TGS1: variants seen among roughly 807,000 people sequenced by gnomAD.
The protein encoded by TGS1 is trimethylguanosine synthase.
Under a neutral mutation model 92.2 loss-of-function variants are expected in TGS1, and 69 were observed. The ratio of observed to expected loss-of-function variants is 0.75; its 90% CI spans 0.62 to 0.91. The LOEUF (loss-of-function observed/expected upper bound fraction) is 0.91, where lower values mean the gene tolerates loss of function less well. Among genes scored for constraint, TGS1 ranks in the 40% least tolerant of loss-of-function variants. The pLI, the probability that TGS1 is intolerant of heterozygous loss-of-function variation, is 0.00. For synonymous variants in TGS1, 345 were observed against 338.1 expected (o/e 1.02, Z -0.22); for missense variants, 1,062 against 1,001.2 (o/e 1.06, Z -0.82).
intron 2 of TGS1, among the ~76,000 whole-genome samples, chr8:55,783,453 CT>C (rs1227689249): frequency 2.6e-4 from 39 of 152,124 alleles, no homozygotes; most frequent in Admixed American, 2.5e-3. Context: ...TCATAATACA[CT>C]TCATGAGAAG....
chr8:55,806,896 A>G (rs1055732050), intron 10 of TGS1, among the ~76,000 whole-genome samples: 3 of 151,732 alleles, frequency 2.0e-5, no homozygotes, highest in Admixed American at 6.6e-5. Context: ...TTTGGACATC[A>G]TTTAACCTTT....
intron 1 of TGS1, among the ~76,000 whole-genome samples, chr8:55,780,308 C>T (rs1811528689): frequency 6.6e-6 from 1 of 151,950 alleles, no homozygotes; most frequent in African/African-American, 2.4e-5. Context: ...TAGCTAGAAC[C>T]ATAGGTGTGC....
chr8:55,786,741 C>T lies in TGS1; in HGVS notation c.843C>T (p.Asp281=). 6.2e-7 allele frequency: 1 copy of T among 1,614,122 alleles called. No homozygotes were observed. The highest frequency in any genetic ancestry group is 2.2e-5 in the East Asian group (1 of 44,874). The change falls in exon 4 of 13, where the codon GAC becomes GAT. Residue 281 remains aspartate (D), a synonymous_variant. Coordinates refer to ENST00000260129, the MANE Select transcript of TGS1 (RefSeq NM_024831.8). The part of the protein sequence containing the change: ...DTYTSKTEAD[D]KNDEKCMKVD... ...ACACATCTAAAACAGAAGCTGATGA[C>T]AAGAACGATGAAAAATGCATGAAAG...
At chr8:55,798,170 A>C (rs1007210430) in intron 7 of TGS1, among the ~76,000 whole-genome samples, 3 of 152,234 alleles carry the variant, frequency 2.0e-5, no homozygotes, top group Non-Finnish European at 2.9e-5. Context: ...ATTTATTTAT[A>C]GGCACATTTC....
rs1011832742 is a variant in TGS1, at chr8:55,826,393, A to C, written c.*1690A>C. Among the ~76,000 whole-genome samples the C allele has an allele frequency of 1.3e-5, 2 of 152,178 alleles. No homozygotes were observed. The highest frequency in any genetic ancestry group is 4.8e-5 in the African/African-American group (2 of 41,422). ...AAAACTAAGATATTGCTGCCCACTA[A>C]TCACACAGGGATAAAACTAATAGAC... On this transcript the variant is annotated 3_prime_UTR_variant, in exon 13 of 13. Transcript: ENST00000260129.
rs758228346 is a variant in TGS1, at chr8:55,787,027, TCGGGGAA to T, written c.1130_1136del (p.Ser377LeufsTer46). On this transcript the variant is annotated frameshift_variant, in exon 4 of 13. Coordinates refer to ENST00000260129, the MANE Select transcript of TGS1 (RefSeq NM_024831.8). LOFTEE classifies it high-confidence loss of function. ...AGGAACCAATGAGGAAAGCAACTCATCGGGGAATACAAACACAGACCCACCAGCTGAG... is the reference window on the plus strand; with the variant it reads ...AGGAACCAATGAGGAAAGCAACTCATTACAAACACAGACCCACCAGCTGAG... 1.3e-5 allele frequency: 21 copies of T among 1,613,760 alleles called. No individual in the cohort carries two copies. The highest frequency in any genetic ancestry group is 1.8e-5 in the Non-Finnish European group (21 of 1,179,846).
Position 55,793,653 on chromosome 8 carries a change from C to T in TGS1, c.1367+869C>T, listed in dbSNP as rs376506956. ...TGCGATCTCGGCCCACTGCGACATC[C>T]GCCTCCTGGGTTCAAGTGATTCTCC... is the stretch of plus-strand genomic sequence containing the variant. On this transcript the variant is annotated intron_variant, in intron 6 of 12. Coordinates refer to ENST00000260129, the MANE Select transcript of TGS1 (RefSeq NM_024831.8). Among the ~76,000 whole-genome samples the T allele has an allele frequency of 3.1e-3, 472 of 152,166 alleles. 5 individuals carry two copies. The highest frequency in any genetic ancestry group is 0.01 in the African/African-American group (417 of 41,512).
chr8:55,783,145 G>A (rs1221948472), intron 2 of TGS1, among the ~76,000 whole-genome samples: 2 of 152,154 alleles, frequency 1.3e-5, no homozygotes, highest in Non-Finnish European at 2.9e-5. Context: ...CTGGCTGGAC[G>A]TGGTAGCTCA....
chr8:55,824,817 G>A lies in TGS1; in HGVS notation c.*114G>A, dbSNP rs74448343. 1.6e-4 allele frequency: 191 copies of A among 1,216,010 alleles called. No individual in the cohort carries two copies. Among genetic ancestry groups the A allele is most frequent in the African/African-American group, 3.1e-4 (20 of 64,920 alleles). 75.3% of individuals were successfully genotyped at this position (1,216,010 alleles called of 1,614,324 possible). On this transcript the variant is annotated 3_prime_UTR_variant, in exon 13 of 13. Coordinates refer to ENST00000260129, the MANE Select transcript of TGS1 (RefSeq NM_024831.8). ...TTTCTACCCATGGTCTTATATCACC[G>A]TATGAAATGGAAACTTACAGGACTT... is the stretch of plus-strand genomic sequence containing the variant.
intron 9 of TGS1, among the ~76,000 whole-genome samples, chr8:55,804,533 G>T (rs1189721988): frequency 6.6e-6 from 1 of 152,226 alleles, no homozygotes; most frequent in Non-Finnish European, 1.5e-5. Context: ...ACTCAGCGGA[G>T]TGTGGGGGAG....
chr8:55,806,502 A>C (rs1405628067), intron 10 of TGS1, among the ~76,000 whole-genome samples: 1 of 151,996 alleles, frequency 6.6e-6, no homozygotes, highest in African/African-American at 2.4e-5. Context: ...CATATAATAC[A>C]TACAATGTAC....
chr8:55,810,971 G>C lies in TGS1; in HGVS notation c.2234G>C (p.Cys745Ser), dbSNP rs1287257598. Residue 745 changes from cysteine to serine, a missense_variant, in exon 11 of 13, where the codon TGT (cysteine) becomes TCT (serine). Transcript: ENST00000260129. ...ATAGCAGATAAGATAGAGTTCATCT[G>C]TGGAGATTTCTTGCTGCTGGCTTCT... Reference protein sequence around the residue: ...YGIADKIEFICGDFLLLASFL... With the variant: ...YGIADKIEFISGDFLLLASFL... The C allele has an allele frequency of 8.7e-6, 14 of 1,614,084 alleles. No homozygotes were observed. Among genetic ancestry groups the C allele is most frequent in the Non-Finnish European group, 1.2e-5 (14 of 1,180,042 alleles).
In TGS1 at chr8:55,786,463, T is replaced by G. The variant is rs1258487289; in HGVS notation, c.565T>G (p.Ser189Ala). 1.2e-6 allele frequency: 2 copies of G among 1,613,780 alleles called. No individual in the cohort carries two copies. The highest frequency in any genetic ancestry group is 2.7e-5 in the African/African-American group (2 of 74,894). The change falls in exon 4 of 13, where the codon TCT (serine) becomes GCT (alanine). Residue 189 changes from serine to alanine, a missense_variant. By Grantham distance (99) the Ser-to-Ala change is moderately conservative. Transcript: ENST00000260129. ...TENPPVENTL[S>A]PKLEITEKWE... ...AAATCCTCCAGTTGAAAACACATTA[T>G]CTCCAAAGCTAGAAATTACAGAGAA...
intron 2 of TGS1, among the ~76,000 whole-genome samples, chr8:55,784,864 GC>G (rs1327922260): frequency 6.6e-6 from 1 of 152,130 alleles, no homozygotes; most frequent in Non-Finnish European, 1.5e-5. Context: ...GGGTTACATG[GC>G]CTGTTCTGTC....
rs2130078699 is a variant in TGS1 at position 55,773,731 on chromosome 8, A to G, written c.101+12A>G. The G allele has an allele frequency of 1.9e-6, 3 of 1,595,760 alleles. No individual in the cohort carries two copies. Among genetic ancestry groups the G allele is most frequent in the East Asian group, 4.5e-5 (2 of 44,450 alleles). ...AGGGCATTTGTGGAGTAAGTAGAAA[A>G]GAGAATCTCTTCATGTTCTAGCACA... On this transcript the variant is annotated intron_variant, in intron 1 of 12. Transcript: ENST00000260129.
At chr8:55,822,999 C>A (rs917853993) in intron 12 of TGS1, among the ~76,000 whole-genome samples, 1 of 152,116 alleles carries the variant, frequency 6.6e-6, no homozygotes, top group Non-Finnish European at 1.5e-5. Flanking sequence ...ATGCTTGTTT[C>A]TCGTTGTTTA....
At chr8:55,815,913 CT>C (rs1803459842) in intron 12 of TGS1, among the ~76,000 whole-genome samples, 1 of 149,762 alleles carries the variant, frequency 6.7e-6, no homozygotes, top group Admixed American at 6.6e-5. Flanking sequence ...AACCCAAGGA[CT>C]AATTTTTATT....
At chr8:55,789,485 T>C (rs1811814642) in intron 4 of TGS1, among the ~76,000 whole-genome samples, 1 of 152,208 alleles carries the variant, frequency 6.6e-6, no homozygotes, top group Non-Finnish European at 1.5e-5. Context: ...AAGGCAGCTT[T>C]GTGGGTTAAT....
At chr8:55,793,780 T>A (rs1009971964) in intron 6 of TGS1, among the ~76,000 whole-genome samples, 3 of 150,776 alleles carry the variant, frequency 2.0e-5, no homozygotes, top group African/African-American at 7.3e-5. Context: ...ATTTATTTTT[T>A]AATTTTTTAT....
Sources: gnomAD v4.1 joint callset for allele counts (sites outside exome capture counted in the v4.1 genomes callset) on GRCh38, gnomAD v4.1.1 for gene constraint, MANE v1.5 for transcripts, NCBI Gene and HGNC (gene_info 2026-07-23, HGNC 2026-07-21) for gene names.